TPRG1: variants seen among roughly 807,000 people sequenced by gnomAD.
The protein encoded by TPRG1 is tumor protein p63 regulated 1.
Under a neutral mutation model 29.3 loss-of-function variants are expected in TPRG1, and 29 were observed. The ratio of observed to expected loss-of-function variants is 0.99; its 90% CI spans 0.74 to 1.35. The LOEUF (loss-of-function observed/expected upper bound fraction) is 1.35. Ranked by LOEUF, TPRG1 falls within the 40% of genes most tolerant of loss-of-function variation. TPRG1 has a pLI of 0.00. For missense variants in TPRG1, 327 were observed against 335.0 expected, an observed-to-expected ratio of 0.98 and a Z score of 0.19; for synonymous variants, 130 against 116.8, an observed-to-expected ratio of 1.11 and a Z score of -0.73.
chr3:189,245,460 C>T (rs944342912), intron 4 of TPRG1, among the ~76,000 whole-genome samples: 1 of 151,870 alleles, frequency 6.6e-6, no homozygotes, highest in South Asian at 2.1e-4. Context: ...TCCTCTTGAC[C>T]CATGGATGCA....
Position 189,202,910 on chromosome 3 carries a change from C to T in TPRG1, c.-9-4466C>T, listed in dbSNP as rs140300646. On this transcript the variant is annotated intron_variant, in intron 1 of 5. Coordinates refer to ENST00000345063, the MANE Select transcript of TPRG1 (RefSeq NM_198485.4). ...GTTTGCCAGTGCATGAGTTTGATGG[C>T]CGTTTCTTTGCTTTTCTTCTAAATG... Among the ~76,000 whole-genome samples, 41 of 152,218 alleles carry T rather than the reference C, an allele frequency of 2.7e-4. 1 individual carries two copies. The East Asian group carries it at 2.9e-3, about 11-fold the overall frequency.
intron 3 of TPRG1, among the ~76,000 whole-genome samples, chr3:189,141,739 A>G (rs1052703905): frequency 3.1e-4 from 47 of 152,200 alleles, no homozygotes; most frequent in Admixed American, 2.6e-3. Flanking sequence ...AAATTTACCA[A>G]CGTTACAGTC....
At chr3:189,011,103 A>G (rs1712573523) in intron 3 of TPRG1, among the ~76,000 whole-genome samples, 1 of 151,974 alleles carries the variant, frequency 6.6e-6, no homozygotes, top group Non-Finnish European at 1.5e-5. Context: ...TGTGTTTTCT[A>G]TTCTGTTAGA....
At chr3:189,087,827 T>C (rs1490747493) in intron 4 of TPRG1, among the ~76,000 whole-genome samples, 3 of 152,152 alleles carry the variant, frequency 2.0e-5, no homozygotes. Context: ...AGATGTGTGG[T>C]ATTATTTCTG....
At chr3:189,250,504 G>A (rs866607630) in intron 4 of TPRG1, among the ~76,000 whole-genome samples, 3 of 23,590 alleles carry the variant, frequency 1.3e-4, no homozygotes, top group Non-Finnish European at 1.7e-4. Flanking sequence ...TCTGATTTCC[G>A]CCCCCCCCCC....
intron 3 of TPRG1, among the ~76,000 whole-genome samples, chr3:189,139,101 T>C (rs1724173103): frequency 6.6e-6 from 1 of 152,116 alleles, no homozygotes; most frequent in Admixed American, 6.5e-5. Context: ...CACCATGTGG[T>C]TTACTGTATG....
chr3:189,159,372 A>G (rs1268353677), intron 5 of TPRG1, among the ~76,000 whole-genome samples: 1 of 152,156 alleles, frequency 6.6e-6, no homozygotes, highest in African/African-American at 2.4e-5. Flanking sequence ...AGGTAGAGGG[A>G]ATAAGATAGG....
chr3:189,164,226 G>A (rs1450335719), intron 5 of TPRG1, among the ~76,000 whole-genome samples: 2 of 151,746 alleles, frequency 1.3e-5, no homozygotes, highest in Admixed American at 6.6e-5. Flanking sequence ...GCAGTGGTGC[G>A]ATCTCCACTC....
At chr3:189,313,415 C>A (rs1486168904) in intron 5 of TPRG1, among the ~76,000 whole-genome samples, 2 of 152,152 alleles carry the variant, frequency 1.3e-5, no homozygotes, top group East Asian at 3.9e-4. Context: ...TTTTCCATCT[C>A]TCTGATGAAT....
chr3:189,074,245 A>T (rs1200047349), intron 4 of TPRG1, among the ~76,000 whole-genome samples: 1 of 121,472 alleles, frequency 8.2e-6, no homozygotes, highest in East Asian at 2.3e-4. Context: ...TCGCTCTGTC[A>T]CCCAGGCTGG....
intron 2 of TPRG1, among the ~76,000 whole-genome samples, chr3:189,002,175 C>T (rs894954925): frequency 4.6e-5 from 7 of 152,174 alleles, no homozygotes; most frequent in Admixed American, 6.5e-5. Flanking sequence ...AAATATGCAG[C>T]GCGCTGCCTC....
At chr3:189,152,900 G>A (rs375919062) in intron 5 of TPRG1, among the ~76,000 whole-genome samples, 1 of 150,616 alleles carries the variant, frequency 6.6e-6, no homozygotes, top group African/African-American at 2.4e-5. Context: ...ATTGCTACCC[G>A]CCATTATTAT....
At chr3:189,038,093 T>A (rs1182880792) in intron 4 of TPRG1, among the ~76,000 whole-genome samples, 1 of 151,656 alleles carries the variant, frequency 6.6e-6, no homozygotes, top group Non-Finnish European at 1.5e-5. Flanking sequence ...CATAAGTAAA[T>A]GATAATTTTG....
At chr3:189,165,188 T>C (rs945368955) in intron 5 of TPRG1, among the ~76,000 whole-genome samples, 3 of 152,000 alleles carry the variant, frequency 2.0e-5, no homozygotes, top group African/African-American at 7.2e-5. Flanking sequence ...TGAGGAGCAA[T>C]GTAAAAATGA....
In TPRG1 at chr3:189,325,149, T is replaced by C. The variant is rs1724619016; in HGVS notation, c.*4329T>C. ...CCTGATTTTGGCAACTGCTTAGGGT[T>C]CTTCTGTATCCACAAAAAGGAATTA... is the stretch of plus-strand genomic sequence containing the variant. On this transcript the variant is annotated 3_prime_UTR_variant, in exon 6 of 6. Coordinates refer to ENST00000345063, the MANE Select transcript of TPRG1 (RefSeq NM_198485.4). 6.6e-6 allele frequency: 1 copy of C among 151,932 alleles called. No individual in the cohort carries two copies. The allele number at this position is 151,932 out of a possible 1,614,324, so 9.4% of individuals were successfully genotyped here. A position where few individuals can be genotyped will look rare whatever the true frequency, so the allele number is the denominator to read the frequency against.
Position 189,320,787 on chromosome 3 carries a change from C to G in TPRG1, c.795C>G (p.Gly265=). 6.2e-7 allele frequency: 1 copy of G among 1,607,092 alleles called. No homozygotes were observed. Among genetic ancestry groups the G allele is most frequent in the East Asian group, 2.3e-5 (1 of 44,316 alleles). The part of the protein sequence containing the change: ...MSFIGNRNKL[G]YSLARGSIGF ...TCATTGGAAACCGCAACAAACTTGGCTATTCCCTTGCCCGTGGGAGTATTG... is the reference window on the plus strand; with the variant it reads ...TCATTGGAAACCGCAACAAACTTGGGTATTCCCTTGCCCGTGGGAGTATTG... Residue 265 remains glycine, a synonymous_variant, in exon 6 of 6, where the codon GGC becomes GGG. Transcript: ENST00000345063.
At chr3:189,033,658 C>A (rs180773084) in intron 4 of TPRG1, among the ~76,000 whole-genome samples, 8 of 151,706 alleles carry the variant, frequency 5.3e-5, no homozygotes, top group Admixed American at 2.0e-4. Flanking sequence ...TGGCTCCCTG[C>A]AAGCTCCACC....
intron 1 of TPRG1, among the ~76,000 whole-genome samples, chr3:189,107,928 G>T (rs1156740593): frequency 6.6e-6 from 1 of 151,856 alleles, no homozygotes; most frequent in Non-Finnish European, 1.5e-5. Flanking sequence ...AAAAAAAATT[G>T]CATAGAATCA....
chr3:189,028,075 C>G (rs1217568250), intron 4 of TPRG1, among the ~76,000 whole-genome samples: 1 of 152,132 alleles, frequency 6.6e-6, no homozygotes, highest in East Asian at 1.9e-4. Context: ...TGAGAACTTA[C>G]TGTGTGCCAT....
Sources: allele counts gnomAD v4.1 joint callset (sites outside exome capture counted in the v4.1 genomes callset), GRCh38; gene constraint gnomAD v4.1.1; transcripts MANE v1.5; gene names NCBI Gene and HGNC (gene_info 2026-07-23, HGNC 2026-07-21).